The following NEK6 variants were observed in gnomAD, a reference collection of about 807,000 sequenced individuals.
NEK6 encodes the protein NIMA related kinase 6.
NEK6 carries 27 observed loss-of-function variants against 43.5 expected under a neutral mutation model. The ratio of observed to expected loss-of-function variants is 0.62; its 90% CI spans 0.46 to 0.86. NEK6 has a LOEUF of 0.86. Ranked by LOEUF, NEK6 falls within the 40% of genes least tolerant of loss-of-function variation. The pLI is 0.00. For synonymous variants in NEK6, 167 were observed against 164.1 expected (o/e 1.02, Z -0.14); for missense variants, 318 against 414.4 (o/e 0.77, Z 2.02).
At chr9:124,344,259 C>T (rs1360285102) in intron 8 of NEK6, among the ~76,000 whole-genome samples, 1 of 152,194 alleles carries the variant, frequency 6.6e-6, no homozygotes, top group Admixed American at 6.5e-5. Flanking sequence ...CTGCAAAATC[C>T]CATTTGCCCT....
At chr9:124,339,287 GCCCAGCCT>G (rs1207383010) in intron 7 of NEK6, among the ~76,000 whole-genome samples, 1 of 151,420 alleles carries the variant, frequency 6.6e-6, no homozygotes, top group African/African-American at 2.4e-5. Context: ...GAGCCATGGC[GCCCAGCCT>G]CCCAGCCTGA....
intron 7 of NEK6, among the ~76,000 whole-genome samples, chr9:124,329,780 C>A (rs1345097329): frequency 6.6e-6 from 1 of 152,258 alleles, no homozygotes; most frequent in East Asian, 1.9e-4. Flanking sequence ...AGGGGAAAGA[C>A]CCCTTCCACC....
intron 1 of NEK6, among the ~76,000 whole-genome samples, chr9:124,272,228 G>A (rs1394428770): frequency 6.6e-6 from 1 of 152,218 alleles, no homozygotes; most frequent in East Asian, 1.9e-4. Context: ...CACAGGGCAG[G>A]CTCTCAGTCC....
intron 1 of NEK6, among the ~76,000 whole-genome samples, chr9:124,298,686 A>G (rs918055357): frequency 3.3e-5 from 5 of 152,118 alleles, no homozygotes; most frequent in Non-Finnish European, 7.4e-5. Context: ...GTTTTGGACA[A>G]ATATGCAGTT....
intron 1 of NEK6, among the ~76,000 whole-genome samples, chr9:124,291,539 T>C (rs1041485560): frequency 2.6e-4 from 39 of 152,256 alleles, no homozygotes; most frequent in African/African-American, 8.2e-4. Context: ...GGCAGGAGAA[T>C]CGCTTGAACC....
rs1211792718 is a variant in NEK6 at position 124,292,663 on chromosome 9, G to T, written c.-29-9273G>T. On this transcript the variant is annotated intron_variant, in intron 1 of 9. Coordinates refer to ENST00000320246, the MANE Select transcript of NEK6 (RefSeq NM_014397.6). ...CTCTGAAATCCATCCCTTCCCTTAAGCCCCAGCCTCTCCCCAGTGGTCCCC... is the reference window on the plus strand; with the variant it reads ...CTCTGAAATCCATCCCTTCCCTTAATCCCCAGCCTCTCCCCAGTGGTCCCC... The T allele has an allele frequency of 5.2e-6, 7 of 1,336,114 alleles. No homozygotes were observed. The East Asian group carries it at 7.6e-5, about 15-fold the overall frequency. The allele number at this position is 1,336,114 out of a possible 1,614,324, so 82.8% of individuals were successfully genotyped here.
chr9:124,275,773 G>A lies in NEK6; in HGVS notation c.-30+17688G>A, dbSNP rs1016954869. ...TGGCCTGGCAAAGGCCTCGGTGACG[G>A]TAATGAGGGGAGGGAGCAATGCACC... On this transcript the variant is annotated intron_variant, in intron 1 of 9. Transcript: ENST00000320246. The surrounding 1 kb of genome is among the most constrained non-coding windows in gnomAD (Gnocchi z 4.4). Among the ~76,000 whole-genome samples, 11 of 152,240 alleles carry A rather than the reference G, an allele frequency of 7.2e-5. No individual in the cohort carries two copies. The South Asian group carries it at 2.3e-3, about 31-fold the overall frequency.
chr9:124,333,819 C>T (rs906516645), intron 7 of NEK6, among the ~76,000 whole-genome samples: 1 of 148,586 alleles, frequency 6.7e-6, no homozygotes, highest in African/African-American at 2.5e-5. Context: ...GCTCTGTTGC[C>T]CAAGCTGGAA....
intron 8 of NEK6, among the ~76,000 whole-genome samples, chr9:124,347,231 C>T (rs115079535): frequency 0.012 from 1,801 of 152,322 alleles, 40 homozygotes; most frequent in African/African-American, 0.041. Context: ...CAGTGAAATG[C>T]CTCACCCTTC....
intron 2 of NEK6, among the ~76,000 whole-genome samples, chr9:124,305,761 A>G (rs1833225946): frequency 6.6e-6 from 1 of 152,068 alleles, no homozygotes. Context: ...GAGCCCAGAG[A>G]ATGGGGAGGC....
At chr9:124,267,335 C>T (rs757245035) in intron 1 of NEK6, among the ~76,000 whole-genome samples, 34 of 152,236 alleles carry the variant, frequency 2.2e-4, no homozygotes, top group Non-Finnish European at 4.0e-4. Context: ...AGAGGGAGTC[C>T]GCCCCTGGGC....
At chr9:124,345,417 G>A (rs1254187196) in intron 8 of NEK6, among the ~76,000 whole-genome samples, 1 of 152,226 alleles carries the variant, frequency 6.6e-6, no homozygotes, top group Non-Finnish European at 1.5e-5. Context: ...AGGCCGAGAG[G>A]GGTCCTCTGG....
intron 2 of NEK6, among the ~76,000 whole-genome samples, chr9:124,310,584 C>T (rs1833480571): frequency 6.6e-6 from 1 of 152,222 alleles, no homozygotes; most frequent in African/African-American, 2.4e-5. Context: ...AGAGTTCCCT[C>T]AGCCAAATCT....
intron 8 of NEK6, among the ~76,000 whole-genome samples, chr9:124,344,963 C>A (rs1829843524): frequency 6.6e-6 from 1 of 152,208 alleles, no homozygotes. Flanking sequence ...GGGATGTGCT[C>A]GAGAGACACT....
Position 124,324,193 on chromosome 9 carries a change from G to C in NEK6, c.406-2137G>C, listed in dbSNP as rs1202413745. ...CCTGGATGGCCTCAGGCGGGTCCCT[G>C]TGCCTCAGTTGCCTCATCTGTAACA... On this transcript the variant is annotated intron_variant, in intron 5 of 9. Transcript: ENST00000320246. This position sits in a 1 kb window ranked among gnomAD's most constrained non-coding sequence, Gnocchi z 5.3. 1.1e-4 allele frequency among the ~76,000 whole-genome samples: 16 copies of C among 152,238 alleles called. No individual in the cohort carries two copies. The highest frequency in any genetic ancestry group is 1.0e-3 in the Admixed American group (16 of 15,290).
intron 2 of NEK6, among the ~76,000 whole-genome samples, chr9:124,305,756 C>G (rs957431647): frequency 6.6e-6 from 1 of 152,006 alleles, no homozygotes; most frequent in Non-Finnish European, 1.5e-5. Context: ...TGGGAGAGCC[C>G]AGAGAATGGG....
At position 124,343,486 on chromosome 9, in the gene NEK6, G is replaced by A. The variant is rs759392204; in HGVS notation, c.717+3821G>A. 3.3e-5 allele frequency among the ~76,000 whole-genome samples: 5 copies of A among 152,048 alleles called. No individual in the cohort carries two copies. Among genetic ancestry groups the A allele is most frequent in the Non-Finnish European group, 7.4e-5 (5 of 67,974 alleles). ...CAGGCTGCTGTGGCCACCCATAGCC[G>A]GCCCATCCAAGGGTAACGGGGCAGG... On this transcript the variant is annotated intron_variant, in intron 8 of 9. Coordinates refer to ENST00000320246, the MANE Select transcript of NEK6 (RefSeq NM_014397.6). This position sits in a 1 kb window ranked among gnomAD's most constrained non-coding sequence, Gnocchi z 5.1.
At chr9:124,294,656 G>A (rs1418254215) in intron 1 of NEK6, among the ~76,000 whole-genome samples, 1 of 152,112 alleles carries the variant, frequency 6.6e-6, no homozygotes, top group Non-Finnish European at 1.5e-5. Flanking sequence ...GAGGGGGACC[G>A]CTCATTTAAT....
intron 1 of NEK6, among the ~76,000 whole-genome samples, chr9:124,283,605 G>A (rs540293935): frequency 1.3e-5 from 2 of 152,340 alleles, no homozygotes; most frequent in African/African-American, 4.8e-5. Flanking sequence ...TACCAGCCAT[G>A]TGCAGGTCAT....
Sources: allele counts gnomAD v4.1 joint callset (sites outside exome capture counted in the v4.1 genomes callset), GRCh38; gene constraint gnomAD v4.1.1; non-coding constraint Gnocchi (gnomAD v3.1); transcripts MANE v1.5; gene names NCBI Gene and HGNC (gene_info 2026-07-23, HGNC 2026-07-21).